GUCY1A1: variants seen among roughly 807,000 people sequenced by gnomAD.
GUCY1A1 encodes the protein guanylate cyclase soluble subunit alpha-1.
In GUCY1A1, 48 loss-of-function variants were observed where a neutral mutation model predicts 64.5. The ratio of observed to expected loss-of-function variants is 0.74; its 90% CI spans 0.59 to 0.95. The LOEUF is 0.95. Ranked by LOEUF, GUCY1A1 falls within the 40% of genes least tolerant of loss-of-function variation. GUCY1A1 has a pLI of 0.00. For synonymous variants in GUCY1A1, 308 were observed against 303.4 expected (o/e 1.02, Z -0.16); for missense variants, 804 against 825.3 (o/e 0.97, Z 0.32).
At chr4:155,685,258 C>T (rs1728823256) in intron 2 of GUCY1A1, among the ~76,000 whole-genome samples, 2 of 152,184 alleles carry the variant, frequency 1.3e-5, no homozygotes, top group Admixed American at 1.3e-4. Flanking sequence ...TCCCCAACAG[C>T]TCTTTAAAGC....
intron 8 of GUCY1A1, among the ~76,000 whole-genome samples, chr4:155,718,402 AC>A (rs1168639803): frequency 1.3e-5 from 2 of 152,146 alleles, no homozygotes; most frequent in Non-Finnish European, 2.9e-5. Flanking sequence ...TGTGCAACAT[AC>A]TTTTCTAAAT....
intron 2 of GUCY1A1, among the ~76,000 whole-genome samples, chr4:155,689,752 G>T (rs552604856): frequency 3.3e-5 from 5 of 152,260 alleles, no homozygotes; most frequent in Non-Finnish European, 5.9e-5. Context: ...TTTGTGTCCA[G>T]TACTGTAGTT....
chr4:155,671,436 T>A (rs1239711341), intron 2 of GUCY1A1, among the ~76,000 whole-genome samples: 1 of 152,190 alleles, frequency 6.6e-6, no homozygotes, highest in East Asian at 1.9e-4. Context: ...TTCACTCCAA[T>A]GTCAGCTTGG....
At chr4:155,671,189 C>T (rs1734100669) in intron 2 of GUCY1A1, among the ~76,000 whole-genome samples, 1 of 151,916 alleles carries the variant, frequency 6.6e-6, no homozygotes, top group Non-Finnish European at 1.5e-5. Flanking sequence ...TGACAGAGAC[C>T]CTTGTGTGCT....
rs1395177064 is a variant in GUCY1A1 at position 155,736,778 on chromosome 4, A to G, written c.*6547A>G. 3 of 151,932 alleles carry G rather than the reference A, an allele frequency of 2.0e-5. No individual in the cohort carries two copies. Among genetic ancestry groups the G allele is most frequent in the Admixed American group, 6.6e-5 (1 of 15,224 alleles). The allele number at this position is 151,932 out of a possible 1,614,324, so 9.4% of individuals were successfully genotyped here. A position where few individuals can be genotyped will look rare whatever the true frequency, so the allele number is the denominator to read the frequency against. On this transcript the variant is annotated 3_prime_UTR_variant, in exon 10 of 10. Coordinates refer to ENST00000506455, the MANE Select transcript of GUCY1A1 (RefSeq NM_001130682.3). ...GGTAAATATGCATTGCTATAGGTATACCAAGTTTTTTTTGTTATGTTTAGT... is the reference window on the plus strand; with the variant it reads ...GGTAAATATGCATTGCTATAGGTATGCCAAGTTTTTTTTGTTATGTTTAGT...
intron 5 of GUCY1A1, among the ~76,000 whole-genome samples, chr4:155,709,758 G>T (rs1732298206): frequency 6.6e-6 from 1 of 152,032 alleles, no homozygotes; most frequent in African/African-American, 2.4e-5. Flanking sequence ...ACCTAAACCT[G>T]GGAGGCAGAG....
chr4:155,722,193 G>A lies in GUCY1A1; in HGVS notation c.1871+1G>A. 1.2e-6 allele frequency: 2 copies of A among 1,610,968 alleles called. No homozygotes were observed. Among genetic ancestry groups the A allele is most frequent in the Non-Finnish European group, 1.7e-6 (2 of 1,178,282 alleles). ...TCAATGTCAGCCCAACAACTTACAGGTAGTAATTATGTTAAACACCTAAAA... is the reference window on the plus strand; with the variant it reads ...TCAATGTCAGCCCAACAACTTACAGATAGTAATTATGTTAAACACCTAAAA... On this transcript the variant is annotated splice_donor_variant, in intron 9 of 9. Transcript: ENST00000506455. LOFTEE classifies it high-confidence loss of function.
rs1732498686 is a variant in GUCY1A1 at position 155,710,989 on chromosome 4, T to A, written c.824T>A (p.Leu275Gln). ...TCCCCCAGCAAACCCCAGTCCTCGC[T>A]GGTGATTCCCACATCGCTATTCTGC... Reference protein sequence around the residue: ...SLSPSKPQSSLVIPTSLFCKT... With the variant: ...SLSPSKPQSSQVIPTSLFCKT... The change falls in exon 6 of 10, where the codon CTG becomes CAG. Residue 275 changes from leucine to glutamine, a missense_variant. Physicochemically the swap from Leu to Gln is moderately radical, Grantham distance 113 (BLOSUM62 -2). Transcript: ENST00000506455. The A allele has an allele frequency of 6.2e-7, 1 of 1,613,528 alleles. No individual in the cohort carries two copies. The highest frequency in any genetic ancestry group is 1.3e-5 in the African/African-American group (1 of 74,944).
intron 5 of GUCY1A1, among the ~76,000 whole-genome samples, chr4:155,708,992 A>G (rs1732174870): frequency 6.6e-6 from 1 of 152,138 alleles, no homozygotes; most frequent in Non-Finnish European, 1.5e-5. Flanking sequence ...GACATAACTA[A>G]CTCCATCTTT....
At chr4:155,705,798 A>T (rs1430494561) in intron 4 of GUCY1A1, among the ~76,000 whole-genome samples, 2 of 152,210 alleles carry the variant, frequency 1.3e-5, no homozygotes, top group Admixed American at 6.5e-5. Context: ...GACTGCAGGC[A>T]GCAGGACCAA....
chr4:155,715,642 G>A (rs1272974853), intron 7 of GUCY1A1, among the ~76,000 whole-genome samples: 1 of 152,128 alleles, frequency 6.6e-6, no homozygotes, highest in Non-Finnish European at 1.5e-5. Context: ...ATCAGGTAGG[G>A]GTGGGTGTAG....
intron 9 of GUCY1A1, among the ~76,000 whole-genome samples, chr4:155,723,974 A>G (rs1281371959): frequency 1.3e-5 from 2 of 151,910 alleles, no homozygotes; most frequent in African/African-American, 4.8e-5. Flanking sequence ...CTCCCTTCTT[A>G]AGGCACCAGC....
intron 2 of GUCY1A1, among the ~76,000 whole-genome samples, chr4:155,690,037 A>G (rs1057165491): frequency 4.6e-5 from 7 of 152,226 alleles, no homozygotes; most frequent in East Asian, 1.9e-4. Flanking sequence ...CTTTTGAACA[A>G]GGAGAAATTG....
intron 2 of GUCY1A1, among the ~76,000 whole-genome samples, chr4:155,669,755 A>C (rs1349262020): frequency 6.6e-6 from 1 of 152,156 alleles, no homozygotes; most frequent in East Asian, 1.9e-4. Context: ...ATGTTTATCT[A>C]ACATCACTTT....
intron 2 of GUCY1A1, among the ~76,000 whole-genome samples, chr4:155,668,612 T>C (rs893594912): frequency 1.3e-5 from 2 of 152,108 alleles, no homozygotes; most frequent in Admixed American, 1.3e-4. Context: ...GCACTTGATA[T>C]AATTTTTTTT....
intron 2 of GUCY1A1, among the ~76,000 whole-genome samples, chr4:155,674,081 C>A (rs190066926): frequency 6.6e-6 from 1 of 151,376 alleles, no homozygotes; most frequent in South Asian, 2.1e-4. Context: ...TATGGCCGGG[C>A]GTGGTGGCTC....
chr4:155,708,375 T>G (rs1732087406), intron 5 of GUCY1A1, 81 bp downstream of exon 5: 1 of 766,386 alleles, frequency 1.3e-6, no homozygotes, highest in Non-Finnish European at 2.3e-6. Context: ...TTCATATTTA[T>G]TTGTTGGTGA....
intron 3 of GUCY1A1, among the ~76,000 whole-genome samples, chr4:155,703,351 G>A (rs1192821922): frequency 5.9e-5 from 9 of 152,174 alleles, no homozygotes; most frequent in Non-Finnish European, 1.3e-4. Flanking sequence ...TTTGGTGACA[G>A]ATTAGATTTA....
intron 2 of GUCY1A1, among the ~76,000 whole-genome samples, chr4:155,688,454 C>A (rs1446544195): frequency 6.6e-6 from 1 of 152,108 alleles, no homozygotes; most frequent in African/African-American, 2.4e-5. Context: ...TAAAAGAAAT[C>A]TATCAATTAG....
Sources: gnomAD v4.1 joint callset for allele counts (sites outside exome capture counted in the v4.1 genomes callset) on GRCh38, gnomAD v4.1.1 for gene constraint, MANE v1.5 for transcripts, NCBI Gene and HGNC (gene_info 2026-07-23, HGNC 2026-07-21) for gene names.